ARL13B: variants seen among roughly 807,000 people sequenced by gnomAD.
The protein encoded by ARL13B is ARF like GTPase 13B.
Under a neutral mutation model 56.1 loss-of-function variants are expected in ARL13B, and 36 were observed. The observed-to-expected ratio is 0.64, with a 90% CI of 0.49 to 0.85. The LOEUF is 0.85. Among genes scored for constraint, ARL13B ranks in the 40% least tolerant of loss-of-function variants. The pLI is 0.00. For missense variants in ARL13B, 519 were observed against 507.1 expected, an observed-to-expected ratio of 1.02 and a Z score of -0.23; for synonymous variants, 178 against 171.1, an observed-to-expected ratio of 1.04 and a Z score of -0.32.
chr3:94,019,790 G>A (rs1023439375), intron 3 of ARL13B, among the ~76,000 whole-genome samples: 1 of 152,106 alleles, frequency 6.6e-6, no homozygotes, highest in Admixed American at 6.5e-5. Flanking sequence ...CTCTGCTTCA[G>A]TCTCACTGTC....
At position 94,047,032 on chromosome 3, in the gene ARL13B, T is replaced by G. The variant is rs142900459; in HGVS notation, c.1025-2374T>G. On this transcript the variant is annotated intron_variant, in intron 7 of 9. Coordinates refer to ENST00000394222, the MANE Select transcript of ARL13B (RefSeq NM_001174150.2). ...ATTCTTTAGTCTTAGTTTCTTCATC[T>G]CTAAAATGCAAATAAATATTGTCTT... Among the ~76,000 whole-genome samples the G allele has an allele frequency of 6.1e-3, 929 of 152,266 alleles. 7 individuals carry two copies. Among genetic ancestry groups the G allele is most frequent in the African/African-American group, 0.021 (882 of 41,554 alleles).
intron 3 of ARL13B, among the ~76,000 whole-genome samples, chr3:94,033,937 A>G (rs1280557962): frequency 6.6e-6 from 1 of 152,180 alleles, no homozygotes; most frequent in African/African-American, 2.4e-5. Flanking sequence ...AAAAATTACA[A>G]ATGTCATGGG....
intron 1 of ARL13B, chr3:93,988,568 T>TA (rs1212156891): frequency 1.5e-5 from 5 of 344,062 alleles, no homozygotes; most frequent in Non-Finnish European, 1.7e-5. Context: ...AAGCAGTTGA[T>TA]AAAAATACCC....
chr3:94,027,827 G>A (rs751242719), intron 3 of ARL13B, among the ~76,000 whole-genome samples: 8 of 151,900 alleles, frequency 5.3e-5, no homozygotes, highest in South Asian at 2.1e-4. Context: ...TGAGTACTTC[G>A]ATATTTTCTG....
rs745472492 is a variant in ARL13B, at chr3:94,036,556, C to T, written c.491C>T (p.Pro164Leu). 2 of 1,613,670 alleles carry T rather than the reference C, an allele frequency of 1.2e-6. No homozygotes were observed. The highest frequency in any genetic ancestry group is 2.7e-5 in the African/African-American group (2 of 74,828). ...NEHKCLCQIE[P>L]CSAISGYGKK... is the part of the protein sequence containing the mutation. ...TCAAATAAATTTCTGTTTTAGGAACCATGTTCAGCAATCTCGGGGTATGGA... is the reference window on the plus strand; with the variant it reads ...TCAAATAAATTTCTGTTTTAGGAACTATGTTCAGCAATCTCGGGGTATGGA... The change falls in exon 5 of 10, where the codon CCA becomes CTA. Residue 164 changes from proline (P) to leucine (L), a missense_variant. Physicochemically the swap from Pro to Leu is moderately conservative, Grantham distance 98. Coordinates refer to ENST00000394222, the MANE Select transcript of ARL13B (RefSeq NM_001174150.2).
chr3:94,004,589 C>T (rs1195918018), intron 3 of ARL13B, among the ~76,000 whole-genome samples: 1 of 150,810 alleles, frequency 6.6e-6, no homozygotes, highest in African/African-American at 2.4e-5. Context: ...CCCTTGCCGT[C>T]TTGTCCCTTT....
intron 5 of ARL13B, among the ~76,000 whole-genome samples, chr3:94,038,475 T>C (rs1330694488): frequency 3.3e-5 from 5 of 151,410 alleles, no homozygotes; most frequent in African/African-American, 1.2e-4. Flanking sequence ...CCACAATACT[T>C]GTGTTTCTTT....
intron 6 of ARL13B, among the ~76,000 whole-genome samples, chr3:94,041,137 CA>C (rs2076854662): frequency 6.6e-6 from 1 of 151,420 alleles, no homozygotes; most frequent in Non-Finnish European, 1.5e-5. Flanking sequence ...ACTTTTTTAG[CA>C]TGTTTCTTGG....
chr3:94,019,080 A>AC (rs1279888502), intron 3 of ARL13B, among the ~76,000 whole-genome samples: 1 of 150,418 alleles, frequency 6.6e-6, no homozygotes, highest in Admixed American at 6.6e-5. Flanking sequence ...GTCATTCTTG[A>AC]CTTTTTTTTT....
chr3:94,032,767 AT>A (rs1196630580), intron 3 of ARL13B, among the ~76,000 whole-genome samples: 1 of 152,156 alleles, frequency 6.6e-6, no homozygotes, highest in African/African-American at 2.4e-5. Context: ...AAGTGCTGGG[AT>A]TACAGGCGTA....
intron 8 of ARL13B, 137 bp from the exon 9 acceptor site, chr3:94,050,687 C>G (rs2107197217): frequency 1.4e-6 from 1 of 708,060 alleles, no homozygotes; most frequent in African/African-American, 1.8e-5. Flanking sequence ...GGGTTTCTGG[C>G]TTTCCATACT....
At chr3:94,045,447 TAAAA>T (rs1047984463) in intron 7 of ARL13B, among the ~76,000 whole-genome samples, 1 of 73,594 alleles carries the variant, frequency 1.4e-5, no homozygotes, top group Non-Finnish European at 2.9e-5. Context: ...CAATAAATAC[TAAAA>T]AAAAAAAAAA....
intron 1 of ARL13B, among the ~76,000 whole-genome samples, chr3:93,991,609 G>A (rs1450522586): frequency 1.3e-5 from 2 of 152,184 alleles, no homozygotes; most frequent in Admixed American, 1.3e-4. Flanking sequence ...GGGCTTAAGT[G>A]ATCCTCCTGC....
chr3:93,983,718 C>T (rs1267246996), intron 1 of ARL13B, among the ~76,000 whole-genome samples: 2 of 151,772 alleles, frequency 1.3e-5, no homozygotes, highest in Admixed American at 1.3e-4. Flanking sequence ...ATTTTTGTTT[C>T]TCTCAGCAGT....
intron 7 of ARL13B, among the ~76,000 whole-genome samples, chr3:94,046,265 C>A: frequency 6.6e-6 from 1 of 152,014 alleles, no homozygotes; most frequent in Non-Finnish European, 1.5e-5. Context: ...CTTTAGTAAT[C>A]CCTTCTTTCC....
At chr3:94,030,204 G>A (rs1188241183) in intron 3 of ARL13B, among the ~76,000 whole-genome samples, 1 of 151,946 alleles carries the variant, frequency 6.6e-6, no homozygotes, top group Non-Finnish European at 1.5e-5. Context: ...TTATAGTTCT[G>A]AATTTAGAAC....
rs148628030 is a variant in ARL13B at position 93,988,685 on chromosome 3, C to T, written c.60-7189C>T. 1,165 of 471,252 alleles carry T rather than the reference C, an allele frequency of 2.5e-3. 15 individuals carry two copies. Among genetic ancestry groups the T allele is most frequent in the African/African-American group, 0.021 (1,042 of 48,822 alleles). The allele number at this position is 471,252 out of a possible 1,614,324, so 29.2% of individuals were successfully genotyped here. ...GCTTCATCAAAGGTTGGAGTCTCCTCGGTTTTAGTTTCTTCGTTTTCTGCA... is the reference window on the plus strand; with the variant it reads ...GCTTCATCAAAGGTTGGAGTCTCCTTGGTTTTAGTTTCTTCGTTTTCTGCA... On this transcript the variant is annotated intron_variant, in intron 1 of 9. Transcript: ENST00000394222.
At chr3:94,015,710 T>C (rs538947972) in intron 3 of ARL13B, among the ~76,000 whole-genome samples, 10 of 152,284 alleles carry the variant, frequency 6.6e-5, no homozygotes, top group African/African-American at 2.4e-4. Context: ...AAAATACTCA[T>C]TTTGCTAAAT....
At position 94,003,913 on chromosome 3, in the gene ARL13B, G is replaced by A. The variant is rs1298506548; in HGVS notation, c.380+5G>A. On this transcript the variant is annotated splice_donor_5th_base_variant and intron_variant, in intron 3 of 9. Coordinates refer to ENST00000394222, the MANE Select transcript of ARL13B (RefSeq NM_001174150.2). ...ATCGGGAAAGCCTATATTGGTGTAA[G>A]TAATGTTAGCATCATTGTAAATGTA... 6.2e-7 allele frequency: 1 copy of A among 1,613,180 alleles called. No individual in the cohort carries two copies. The highest frequency in any genetic ancestry group is 1.1e-5 in the South Asian group (1 of 91,056).
Sources: gnomAD v4.1 joint callset for allele counts (sites outside exome capture counted in the v4.1 genomes callset) on GRCh38, gnomAD v4.1.1 for gene constraint, MANE v1.5 for transcripts, NCBI Gene and HGNC (gene_info 2026-07-23, HGNC 2026-07-21) for gene names.